The following JPH4 variants were observed in gnomAD, a reference collection of about 807,000 sequenced individuals.
JPH4 encodes junctophilin 4, also known as junctophilin-4.
A neutral mutation model predicts 57.6 loss-of-function variants in JPH4; 18 were observed. The observed-to-expected ratio is 0.31, with a 90% CI of 0.22 to 0.46. The LOEUF (loss-of-function observed/expected upper bound fraction) is 0.46, where lower values mean the gene tolerates loss of function less well. Among genes scored for constraint, JPH4 ranks in the 20% least tolerant of loss-of-function variants. The probability of loss-of-function intolerance (pLI) is 1.00; values close to 1 mark genes in which losing one functional copy is unlikely to be tolerated. For synonymous variants in JPH4, 425 were observed against 406.6 expected, an observed-to-expected ratio of 1.05 and a Z score of -0.54; for missense variants, 727 against 911.1, an observed-to-expected ratio of 0.80 and a Z score of 2.60.
rs1889246069 is a variant in JPH4, at chr14:23,575,347, A to G, written c.1151+338T>C. On this transcript the variant is annotated intron_variant, in intron 3 of 5. Coordinates refer to ENST00000356300, the MANE Select transcript of JPH4 (RefSeq NM_001146028.2). This position sits in a 1 kb window ranked among gnomAD's most constrained non-coding sequence, Gnocchi z 6.9. ...GACTAGGGACATGTTTTGAGTTCCA[A>G]GAGATTTCTGGGCCTGCACAAAACA... is the stretch of plus-strand genomic sequence containing the variant. 1 of 402,070 alleles carries G rather than the reference A, an allele frequency of 2.5e-6. No individual in the cohort carries two copies. The highest frequency in any genetic ancestry group is 4.5e-6 in the Non-Finnish European group (1 of 220,678). The allele number at this position is 402,070 out of a possible 1,614,324, so 24.9% of individuals were successfully genotyped here.
rs1178360287 is a variant in JPH4 at position 23,569,918 on chromosome 14, C to T, written c.1804-201G>A. 6.6e-6 allele frequency among the ~76,000 whole-genome samples: 1 copy of T among 152,208 alleles called. No homozygotes were observed. The highest frequency in any genetic ancestry group is 6.5e-5 in the Admixed American group (1 of 15,288). On this transcript the variant is annotated intron_variant, in intron 5 of 5. Transcript: ENST00000356300. This position sits in a 1 kb window ranked among gnomAD's most constrained non-coding sequence, Gnocchi z 4.8. ...CACCTTTCCTCTGACACCTTCAATG[C>T]AGGGACAGCCCTTCCACCTCCTCCC... is the stretch of plus-strand genomic sequence containing the variant.
rs566245937 is a variant in JPH4 at position 23,577,990 on chromosome 14, C to T, written c.-172+190G>A. ...GGACCCCTCTGCCCCGGTTCTTCGG[C>T]GTCTCTGGCAAAGGGATGGGGGTGG... is the stretch of plus-strand genomic sequence containing the variant. On this transcript the variant is annotated intron_variant, in intron 1 of 5. Coordinates refer to ENST00000356300, the MANE Select transcript of JPH4 (RefSeq NM_001146028.2). The surrounding 1 kb of genome is among the most constrained non-coding windows in gnomAD (Gnocchi z 8.4). The T allele has an allele frequency of 6.7e-6, 1 of 150,024 alleles. No homozygotes were observed. Among genetic ancestry groups the T allele is most frequent in the East Asian group, 2.0e-4 (1 of 5,028 alleles). The allele number at this position is 150,024 out of a possible 1,614,324, so 9.3% of individuals were successfully genotyped here. A position where few individuals can be genotyped will look rare whatever the true frequency, so the allele number is the denominator to read the frequency against.
Position 23,576,424 on chromosome 14 carries a change from G to C in JPH4, c.412C>G (p.Arg138Gly). 7.0e-7 allele frequency: 1 copy of C among 1,438,722 alleles called. No individual in the cohort carries two copies. Among genetic ancestry groups the C allele is most frequent in the Non-Finnish European group, 9.1e-7 (1 of 1,104,028 alleles). 89.1% of individuals were successfully genotyped at this position (1,438,722 alleles called of 1,614,324 possible). ...CTCTGGCGTACCCCGTAGCCGTGGC[G>C]CTTCCCGGCCTGCCACTGGCCCTGG... ...TYQGQWQAGK[R>G]HGYGVRQSVP... The change falls in exon 3 of 6, where the codon CGC (arginine) becomes GGC (glycine). Residue 138 changes from arginine to glycine, a missense_variant. Physicochemically the swap from Arg to Gly is moderately radical, Grantham distance 125. This residue lies in a region of JPH4 where 90 missense variants were observed against 88.1 expected (regional missense o/e 1.02). Transcript: ENST00000356300. The surrounding 1 kb of genome is among the most constrained non-coding windows in gnomAD (Gnocchi z 8.0).
At chr14:23,572,049 C>T (rs977557356) in intron 3 of JPH4, 129 bp from the exon 4 acceptor site, 5 of 780,636 alleles carry the variant, frequency 6.4e-6, no homozygotes, top group African/African-American at 1.7e-5. Context: ...AGTCGTCACC[C>T]TTCGCCACAC....
At position 23,575,964 on chromosome 14, in the gene JPH4, C is replaced by A; in HGVS notation, c.872G>T (p.Arg291Leu). 1.3e-6 allele frequency: 2 copies of A among 1,533,006 alleles called. No individual in the cohort carries two copies. Among genetic ancestry groups the A allele is most frequent in the Non-Finnish European group, 8.7e-7 (1 of 1,150,020 alleles). 95.0% of individuals were successfully genotyped at this position (1,533,006 alleles called of 1,614,324 possible). A position where few individuals can be genotyped will look rare whatever the true frequency, so the allele number is the denominator to read the frequency against. Residue 291 changes from arginine (R) to leucine (L), a missense_variant, in exon 3 of 6, where the codon CGC becomes CTC. Arg to Leu is a moderately radical substitution (Grantham distance 102). Coordinates refer to ENST00000356300, the MANE Select transcript of JPH4 (RefSeq NM_001146028.2). This position sits in a 1 kb window ranked among gnomAD's most constrained non-coding sequence, Gnocchi z 6.9. The part of the protein sequence containing the change: ...VYAGEWRADR[R>L]SGFGVSQRSN... ...GCGCTGGCTGACGCCGAAGCCGCTG[C>A]GCCGATCTGCGCGCCACTCGCCCGC...
At position 23,576,722 on chromosome 14, in the gene JPH4, G is replaced by T. The variant is rs1889282664; in HGVS notation, c.380-266C>A. Among the ~76,000 whole-genome samples the T allele has an allele frequency of 6.6e-6, 1 of 152,166 alleles. No individual in the cohort carries two copies. Among genetic ancestry groups the T allele is most frequent in the Admixed American group, 6.5e-5 (1 of 15,274 alleles). On this transcript the variant is annotated intron_variant, in intron 2 of 5. Coordinates refer to ENST00000356300, the MANE Select transcript of JPH4 (RefSeq NM_001146028.2). This position sits in a 1 kb window ranked among gnomAD's most constrained non-coding sequence, Gnocchi z 8.0. ...AAACAGGGGAAACGGGGAGGGCCCG[G>T]CAGGCATGCGAAGGACAGGCTGGTC...
At position 23,570,871 on chromosome 14, in the gene JPH4, G is replaced by C. The variant is rs1889116289; in HGVS notation, c.1803+57C>G. The C allele has an allele frequency of 2.1e-6, 3 of 1,443,654 alleles. No homozygotes were observed. In the Admixed American group the frequency reaches 9.0e-5, roughly 43 times the overall value. The allele number at this position is 1,443,654 out of a possible 1,614,324, so 89.4% of individuals were successfully genotyped here. A position where few individuals can be genotyped will look rare whatever the true frequency, so the allele number is the denominator to read the frequency against. ...CCCGGTGATCAGACAGTTCTGGAAAGGGTGGGAGGCAAGGCTTTGGGAGAA... is the reference window on the plus strand; with the variant it reads ...CCCGGTGATCAGACAGTTCTGGAAACGGTGGGAGGCAAGGCTTTGGGAGAA... On this transcript the variant is annotated intron_variant, in intron 5 of 5. Transcript: ENST00000356300.
Position 23,577,380 on chromosome 14 carries a change from T to A in JPH4, c.74A>T (p.His25Leu). 6.7e-7 allele frequency: 1 copy of A among 1,495,136 alleles called. No individual in the cohort carries two copies. The highest frequency in any genetic ancestry group is 8.9e-7 in the Non-Finnish European group (1 of 1,124,414). 92.6% of individuals were successfully genotyped at this position (1,495,136 alleles called of 1,614,324 possible). Residue 25 changes from histidine to leucine, a missense_variant, in exon 2 of 6, where the codon CAT becomes CTT. Physicochemically the swap from His to Leu is moderately conservative, Grantham distance 99 (BLOSUM62 -3). Around this residue, in one of 7 missense-constraint regions of JPH4, gnomAD observed 83 missense variants for 135.4 expected, o/e 0.61. Coordinates refer to ENST00000356300, the MANE Select transcript of JPH4 (RefSeq NM_001146028.2). The surrounding 1 kb of genome is among the most constrained non-coding windows in gnomAD (Gnocchi z 8.4). The stretch of plus-strand genomic sequence containing the variant: ...GGGGCCCGTGCACACGCCGTAGCCA[T>A]GTGCCCGCCCCGCCTCCCAGCCCCC... ...YVGGWEAGRA[H>L]GYGVCTGPGA...
chr14:23,572,017 A>G (rs895993797), intron 3 of JPH4, 97 bp from the exon 4 acceptor site: 19 of 1,020,522 alleles, frequency 1.9e-5, no homozygotes, highest in Non-Finnish European at 2.5e-5. Context: ...TCCCCTCTAC[A>G]TCACATCCTC....
In JPH4 at chr14:23,568,947, A is replaced by T; in HGVS notation, c.*687T>A. On this transcript the variant is annotated 3_prime_UTR_variant, in exon 6 of 6. Transcript: ENST00000356300. Reference sequence around the variant, plus strand: ...AGGGGGCTGGAGGAGGGGCTGGCCGATGAGGAGAAAAAGAGGGAAATGCTG... The same window carrying T: ...AGGGGGCTGGAGGAGGGGCTGGCCGTTGAGGAGAAAAAGAGGGAAATGCTG... 3.9e-6 allele frequency: 1 copy of T among 254,258 alleles called. No homozygotes were observed. Among genetic ancestry groups the T allele is most frequent in the Non-Finnish European group, 6.2e-6 (1 of 161,280 alleles). The allele number at this position is 254,258 out of a possible 1,614,324, so 15.8% of individuals were successfully genotyped here.
chr14:23,573,883 G>A (rs1449132345), intron 3 of JPH4, among the ~76,000 whole-genome samples: 1 of 151,252 alleles, frequency 6.6e-6, no homozygotes, highest in Non-Finnish European at 1.5e-5. Context: ...CACATTCTCT[G>A]ACTCAAACGT....
chr14:23,572,692 T>C, intron 3 of JPH4: 1 of 585,332 alleles, frequency 1.7e-6, no homozygotes, highest in Non-Finnish European at 3.0e-6. Flanking sequence ...TTTCCTGAGC[T>C]CTGGAACTGG....
At position 23,575,835 on chromosome 14, in the gene JPH4, C is replaced by A. The variant is rs1196423480; in HGVS notation, c.1001G>T (p.Arg334Leu). 3.8e-6 allele frequency: 6 copies of A among 1,588,650 alleles called. No homozygotes were observed. The highest frequency in any genetic ancestry group is 3.4e-5 in the South Asian group (3 of 87,712). ...GCGCCCGCCGTGCACCAGCCGGTTGCGCTTGTACTTGCCCTCCTCGCGGGA... is the reference window on the plus strand; with the variant it reads ...GCGCCCGCCGTGCACCAGCCGGTTGAGCTTGTACTTGCCCTCCTCGCGGGA... The part of the protein sequence containing the change: ...DGSREEGKYK[R>L]NRLVHGGRVR... The change falls in exon 3 of 6, where the codon CGC becomes CTC. Residue 334 changes from arginine (R) to leucine (L), a missense_variant. Coordinates refer to ENST00000356300, the MANE Select transcript of JPH4 (RefSeq NM_001146028.2). This position sits in a 1 kb window ranked among gnomAD's most constrained non-coding sequence, Gnocchi z 6.9.
chr14:23,569,475 GA>G lies in JPH4; in HGVS notation c.*158del. On this transcript the variant is annotated 3_prime_UTR_variant, in exon 6 of 6. Transcript: ENST00000356300. The surrounding 1 kb of genome is among the most constrained non-coding windows in gnomAD (Gnocchi z 4.8). ...GATAATCTGAAAGAAGACAGGGAAA[GA>G]AAAAGCGAGAGAAAAAAACAAAGGA... The G allele has an allele frequency of 1.5e-6, 1 of 653,682 alleles. No individual in the cohort carries two copies. The highest frequency in any genetic ancestry group is 2.8e-6 in the Non-Finnish European group (1 of 362,854). 40.5% of individuals were successfully genotyped at this position (653,682 alleles called of 1,614,324 possible). A position where few individuals can be genotyped will look rare whatever the true frequency, so the allele number is the denominator to read the frequency against.
At chr14:23,572,674 C>T (rs550853337) in intron 3 of JPH4, among the ~76,000 whole-genome samples, 7 of 152,282 alleles carry the variant, frequency 4.6e-5, no homozygotes, top group South Asian at 2.1e-4. Context: ...CACTGCCCCC[C>T]GTCATGCTTT....
Position 23,576,474 on chromosome 14 carries a change from G to A in JPH4, c.380-18C>T. On this transcript the variant is annotated intron_variant, in intron 2 of 5. Transcript: ENST00000356300. The surrounding 1 kb of genome is among the most constrained non-coding windows in gnomAD (Gnocchi z 8.0). ...GTAGGTGCCTGCGGGCGGCGGAGGGGTGGGAGAAAGAGTCAGGACGTGCCG... is the reference window on the plus strand; with the variant it reads ...GTAGGTGCCTGCGGGCGGCGGAGGGATGGGAGAAAGAGTCAGGACGTGCCG... The A allele has an allele frequency of 7.2e-7, 1 of 1,396,266 alleles. No individual in the cohort carries two copies. The highest frequency in any genetic ancestry group is 1.6e-5 in the South Asian group (1 of 60,710). The allele number at this position is 1,396,266 out of a possible 1,614,324, so 86.5% of individuals were successfully genotyped here. A position where few individuals can be genotyped will look rare whatever the true frequency, so the allele number is the denominator to read the frequency against.
chr14:23,570,917 G>T lies in JPH4; in HGVS notation c.1803+11C>A. 1 of 1,506,308 alleles carries T rather than the reference G, an allele frequency of 6.6e-7. No individual in the cohort carries two copies. Among genetic ancestry groups the T allele is most frequent in the East Asian group, 2.3e-5 (1 of 43,490 alleles). 93.3% of individuals were successfully genotyped at this position (1,506,308 alleles called of 1,614,324 possible). A position where few individuals can be genotyped will look rare whatever the true frequency, so the allele number is the denominator to read the frequency against. On this transcript the variant is annotated intron_variant, in intron 5 of 5. Transcript: ENST00000356300. ...GAGAAGAGGGCACACAGCAGGGACA[G>T]AGGATCTCACCGGCTGGGCAGGCCT... is the stretch of plus-strand genomic sequence containing the variant.
At chr14:23,572,860 C>G (rs759368995) in intron 3 of JPH4, 1 of 702,498 alleles carries the variant, frequency 1.4e-6, no homozygotes, top group Non-Finnish European at 2.6e-6. Flanking sequence ...TGCAGGCAGC[C>G]TGGGAGTCTG....
At position 23,571,342 on chromosome 14, in the gene JPH4, A is replaced by C. The variant is rs756460641; in HGVS notation, c.1389T>G (p.Ser463Arg). 3 of 1,597,658 alleles carry C rather than the reference A, an allele frequency of 1.9e-6. No homozygotes were observed. Among genetic ancestry groups the C allele is most frequent in the Non-Finnish European group, 2.6e-6 (3 of 1,175,412 alleles). The change falls in exon 5 of 6, where the codon AGT (serine) becomes AGG (arginine). Residue 463 changes from serine (S) to arginine (R), a missense_variant. Transcript: ENST00000356300. This position sits in a 1 kb window ranked among gnomAD's most constrained non-coding sequence, Gnocchi z 4.6. ...PSEGSPELPS[S>R]PASSRQPWRP... is the part of the protein sequence containing the mutation. ...GCCAGGGTTGGCGGGAGGAGGCAGGACTGCTGGGCAGTTCAGGGGATCCCT... is the reference window on the plus strand; with the variant it reads ...GCCAGGGTTGGCGGGAGGAGGCAGGCCTGCTGGGCAGTTCAGGGGATCCCT...
Sources: allele counts gnomAD v4.1 joint callset (sites outside exome capture counted in the v4.1 genomes callset), GRCh38; gene constraint gnomAD v4.1.1; regional missense constraint gnomAD v4.1.1; non-coding constraint Gnocchi (gnomAD v3.1); transcripts MANE v1.5; gene names NCBI Gene and HGNC (gene_info 2026-07-23, HGNC 2026-07-21).